ZNF704: variants seen among roughly 807,000 people sequenced by gnomAD.
The protein encoded by ZNF704 is glucocorticoid induced gene 1.
In ZNF704, 10 loss-of-function variants were observed where a neutral mutation model predicts 44.7. The observed-to-expected ratio is 0.22, with a 90% CI of 0.14 to 0.38. ZNF704 has a LOEUF of 0.38. ZNF704 is among the 10% of genes least tolerant of loss of function. The pLI is 1.00. For missense variants in ZNF704, 390 were observed against 545.5 expected, an observed-to-expected ratio of 0.71 and a Z score of 2.84; for synonymous variants, 211 against 207.6, an observed-to-expected ratio of 1.02 and a Z score of -0.14.
In ZNF704 at chr8:80,874,077, G is replaced by C. The variant is rs545814668; in HGVS notation, c.-22+494C>G. On this transcript the variant is annotated intron_variant, in intron 1 of 8. Coordinates refer to ENST00000327835, the MANE Select transcript of ZNF704 (RefSeq NM_001033723.3). The surrounding 1 kb of genome is among the most constrained non-coding windows in gnomAD (Gnocchi z 4.4). ...CGCGGGGTTGCGGGCCGCGGCGCGGGGCCGGAGAGTTTGTCACCTCCTCTT... is the reference window on the plus strand; with the variant it reads ...CGCGGGGTTGCGGGCCGCGGCGCGGCGCCGGAGAGTTTGTCACCTCCTCTT... Among the ~76,000 whole-genome samples, 1 of 146,822 alleles carries C rather than the reference G, an allele frequency of 6.8e-6. No homozygotes were observed. The highest frequency in any genetic ancestry group is 1.5e-5 in the Non-Finnish European group (1 of 65,932).
chr8:80,850,505 A>C (rs1418130873), intron 1 of ZNF704, among the ~76,000 whole-genome samples: 1 of 152,130 alleles, frequency 6.6e-6, no homozygotes, highest in African/African-American at 2.4e-5. Context: ...TGGCACTAAC[A>C]CCAGGCTCCA....
At chr8:80,852,258 T>C (rs1272186464) in intron 1 of ZNF704, among the ~76,000 whole-genome samples, 2 of 152,214 alleles carry the variant, frequency 1.3e-5, no homozygotes, top group Non-Finnish European at 2.9e-5. Context: ...AGATAACTAT[T>C]GGGAATGAAT....
chr8:80,676,534 A>G (rs1179559172), intron 4 of ZNF704, among the ~76,000 whole-genome samples: 1 of 152,174 alleles, frequency 6.6e-6, no homozygotes, highest in Non-Finnish European at 1.5e-5. Flanking sequence ...TGGAGAAGGG[A>G]AAAAAAGGAA....
At chr8:80,880,762 CA>C in the ZNF704 span, among the ~76,000 whole-genome samples, 2 of 152,022 alleles carry the variant, frequency 1.3e-5, no homozygotes, top group East Asian at 1.9e-4. Context: ...TATATGATCA[CA>C]AAAAACTTGT....
intron 1 of ZNF704, among the ~76,000 whole-genome samples, chr8:80,837,999 G>C (rs1322624421): frequency 6.6e-6 from 1 of 152,062 alleles, no homozygotes; most frequent in Non-Finnish European, 1.5e-5. Context: ...ATCAACAGAA[G>C]GGTTGCTCTA....
At chr8:80,834,795 G>C (rs189217626) in intron 1 of ZNF704, among the ~76,000 whole-genome samples, 11 of 152,138 alleles carry the variant, frequency 7.2e-5, no homozygotes, top group Non-Finnish European at 1.6e-4. Context: ...TTGGTTTTCT[G>C]TTCCTGTGTT....
intron 2 of ZNF704, among the ~76,000 whole-genome samples, chr8:80,819,992 A>G (rs1808242476): frequency 2.0e-5 from 3 of 152,242 alleles, no homozygotes; most frequent in Admixed American, 2.0e-4. Flanking sequence ...TTTCCTGGTT[A>G]ACTGTTAGAA....
intron 4 of ZNF704, among the ~76,000 whole-genome samples, chr8:80,673,814 T>A (rs1359846988): frequency 6.6e-6 from 1 of 152,206 alleles, no homozygotes; most frequent in Admixed American, 6.5e-5. Flanking sequence ...TGGCAGCACA[T>A]TGCAGCAGTC....
chr8:80,717,524 G>A (rs1819090266), intron 2 of ZNF704, among the ~76,000 whole-genome samples: 2 of 152,166 alleles, frequency 1.3e-5, no homozygotes, highest in South Asian at 4.1e-4. Flanking sequence ...TGTGAGATTC[G>A]AGAGAGAATG....
chr8:80,832,111 G>A (rs752941076), intron 1 of ZNF704, among the ~76,000 whole-genome samples: 2 of 152,008 alleles, frequency 1.3e-5, no homozygotes, highest in South Asian at 2.1e-4. Flanking sequence ...CTGAGTTAAC[G>A]GACAAATAAA....
intron 1 of ZNF704, among the ~76,000 whole-genome samples, chr8:80,868,337 A>T (rs1372099949): frequency 2.0e-5 from 3 of 152,226 alleles, no homozygotes; most frequent in African/African-American, 4.8e-5. Context: ...TCTCATTTAA[A>T]GCCCACATTA....
rs563178343 is a variant in ZNF704, at chr8:80,651,719, G to A, written c.1032+7866C>T. Among the ~76,000 whole-genome samples, 4 of 152,244 alleles carry A rather than the reference G, an allele frequency of 2.6e-5. No individual in the cohort carries two copies. In the East Asian group the frequency reaches 7.7e-4, roughly 29 times the overall value. ...TTAGACTCCCACACAATAATAATGGGAGACTTTAACACCCCACTGTCAACA... is the reference window on the plus strand; with the variant it reads ...TTAGACTCCCACACAATAATAATGGAAGACTTTAACACCCCACTGTCAACA... On this transcript the variant is annotated intron_variant, in intron 7 of 8. Coordinates refer to ENST00000327835, the MANE Select transcript of ZNF704 (RefSeq NM_001033723.3).
intron 1 of ZNF704, among the ~76,000 whole-genome samples, chr8:80,822,219 C>T (rs371466984): frequency 1.1e-4 from 16 of 152,194 alleles, no homozygotes; most frequent in Admixed American, 7.2e-4. Flanking sequence ...GTGCTGCACC[C>T]GTTAACTCAT....
intron 2 of ZNF704, among the ~76,000 whole-genome samples, chr8:80,779,124 CCTTT>C (rs1433578445): frequency 2.6e-5 from 4 of 151,486 alleles, no homozygotes; most frequent in Non-Finnish European, 5.9e-5. Flanking sequence ...TTCATTCTTT[CCTTT>C]CTCTTTCTCC....
At chr8:80,688,322 C>CAGAATGGA (rs1818575963) in intron 3 of ZNF704, among the ~76,000 whole-genome samples, 4 of 152,234 alleles carry the variant, frequency 2.6e-5, no homozygotes, top group African/African-American at 9.6e-5. Flanking sequence ...GGATAGTTAT[C>CAGAATGGA]TAAAGCCCCT....
intron 1 of ZNF704, among the ~76,000 whole-genome samples, chr8:80,829,358 TACA>T (rs1367807076): frequency 1.3e-5 from 2 of 152,092 alleles, no homozygotes; most frequent in Non-Finnish European, 1.5e-5. Context: ...TAACCTATGT[TACA>T]ACAAGAAAAC....
intron 2 of ZNF704, among the ~76,000 whole-genome samples, chr8:80,798,360 A>G (rs1342493661): frequency 6.6e-6 from 1 of 151,856 alleles, no homozygotes; most frequent in Non-Finnish European, 1.5e-5. Flanking sequence ...GGTTCAAGTG[A>G]TTCTCGTGCC....
intron 4 of ZNF704, among the ~76,000 whole-genome samples, chr8:80,681,667 C>A (rs1034117859): frequency 2.0e-5 from 3 of 152,106 alleles, no homozygotes; most frequent in African/African-American, 7.2e-5. Context: ...AACAGCAACA[C>A]CAAACAACAA....
chr8:80,695,501 C>G (rs892601458), intron 2 of ZNF704, among the ~76,000 whole-genome samples: 3 of 152,194 alleles, frequency 2.0e-5, no homozygotes, highest in African/African-American at 7.2e-5. Context: ...CCCTCGCCCC[C>G]TCCCCTGATT....
Sources: gnomAD v4.1 joint callset for allele counts (sites outside exome capture counted in the v4.1 genomes callset) on GRCh38, gnomAD v4.1.1 for gene constraint, Gnocchi (gnomAD v3.1) non-coding constraint, MANE v1.5 for transcripts, NCBI Gene and HGNC (gene_info 2026-07-23, HGNC 2026-07-21) for gene names.